C1orf141: variants seen among roughly 807,000 people sequenced by gnomAD.
C1orf141 encodes the protein chromosome 1 open reading frame 141.
A neutral mutation model predicts 23.2 loss-of-function variants in C1orf141; 19 were observed. That is an observed-to-expected ratio of 0.82 (90% confidence interval 0.57 to 1.20). The LOEUF is 1.20. C1orf141 is among the 50% of genes most tolerant of loss of function. The pLI is 0.00. For synonymous variants in C1orf141, 153 were observed against 154.6 expected, an observed-to-expected ratio of 0.99 and a Z score of 0.08; for missense variants, 469 against 455.1, an observed-to-expected ratio of 1.03 and a Z score of -0.28.
intron 4 of C1orf141, among the ~76,000 whole-genome samples, chr1:67,121,395 G>A (rs68084665): frequency 0.11 from 16,423 of 152,012 alleles, 970 homozygotes; most frequent in African/African-American, 0.15. Flanking sequence ...GACAGACAAC[G>A]ACTCAAGCCT....
chr1:67,105,313 G>A (rs1296466160), intron 5 of C1orf141, among the ~76,000 whole-genome samples: 4 of 120,116 alleles, frequency 3.3e-5, no homozygotes, highest in African/African-American at 1.3e-4. Flanking sequence ...GCAACAGAGC[G>A]AGACTATTTC....
At chr1:67,123,912 C>T (rs1346052370) in intron 4 of C1orf141, 1 of 152,120 alleles carries the variant, frequency 6.6e-6, no homozygotes, top group African/African-American at 2.4e-5. Context: ...TTATCCACCC[C>T]AATCTCCTTT....
chr1:67,102,547 C>G (rs760506377), intron 5 of C1orf141: 2 of 151,950 alleles, frequency 1.3e-5, no homozygotes, highest in Non-Finnish European at 2.9e-5. Context: ...CACAACCTAT[C>G]TTGAATAGTT....
intron 1 of C1orf141, among the ~76,000 whole-genome samples, chr1:67,141,079 A>G (rs1646632668): frequency 6.6e-6 from 1 of 152,188 alleles, no homozygotes; most frequent in Non-Finnish European, 1.5e-5. Context: ...AGAAATACGT[A>G]ATAACATAGG....
chr1:67,093,672 A>T (rs1645604581), intron 7 of C1orf141, 68 bp from the exon 8 acceptor site: 1 of 1,248,092 alleles, frequency 8.0e-7, no homozygotes, highest in Non-Finnish European at 1.1e-6. Context: ...TATATTTTAA[A>T]ACATGTAAAT....
intron 5 of C1orf141, among the ~76,000 whole-genome samples, chr1:67,112,047 G>A (rs1043221681): frequency 1.3e-5 from 2 of 152,146 alleles, no homozygotes; most frequent in Admixed American, 6.5e-5. Context: ...ATCATCCAAT[G>A]GATATTCTTA....
At position 67,093,203 on chromosome 1, in the gene C1orf141, A is replaced by G; in HGVS notation, c.1005T>C (p.Ala335=). 6.2e-7 allele frequency: 1 copy of G among 1,613,884 alleles called. No individual in the cohort carries two copies. The highest frequency in any genetic ancestry group is 8.5e-7 in the Non-Finnish European group (1 of 1,179,806). ...TTTGGGCACTCATTTCATGAATAAC[A>G]GCTTTATCAAGGTAACCCACAAATT... ...TKQFVGYLDK[A]VIHEMSAQTG... Residue 335 remains alanine (A), a synonymous_variant, in exon 8 of 8, where the codon GCT becomes GCC. Coordinates refer to ENST00000684719, the MANE Select transcript of C1orf141 (RefSeq NM_001276351.2).
intron 2 of C1orf141, among the ~76,000 whole-genome samples, chr1:67,127,902 T>C (rs1214788524): frequency 1.3e-5 from 2 of 152,188 alleles, no homozygotes; most frequent in Non-Finnish European, 2.9e-5. Context: ...CCCAAAATGC[T>C]GGGATTACAG....
intron 6 of C1orf141, chr1:67,096,035 T>C (rs1332133588): frequency 1.2e-5 from 4 of 339,694 alleles, no homozygotes; most frequent in Non-Finnish European, 2.2e-5. Flanking sequence ...AAAATTGTAT[T>C]CCCTCTATTC....
At chr1:67,128,248 A>G (rs2102499530) in intron 2 of C1orf141, among the ~76,000 whole-genome samples, 1 of 152,332 alleles carries the variant, frequency 6.6e-6, no homozygotes, top group East Asian at 1.9e-4. Context: ...AATTTATTAC[A>G]TCTTCAGATG....
chr1:67,128,847 AT>A (rs1646467746), intron 2 of C1orf141, among the ~76,000 whole-genome samples: 1 of 152,178 alleles, frequency 6.6e-6, no homozygotes, highest in Admixed American at 6.6e-5. Flanking sequence ...ATGAATATTA[AT>A]GTTAATACTA....
Position 67,093,533 on chromosome 1 carries a change from A to AT in C1orf141, c.674dup (p.Asn225LysfsTer2), listed in dbSNP as rs749403083. The AT allele has an allele frequency of 2.3e-5, 37 of 1,605,054 alleles. No homozygotes were observed. Among genetic ancestry groups the AT allele is most frequent in the Admixed American group, 5.1e-5 (3 of 59,342 alleles). On this transcript the variant is annotated frameshift_variant, in exon 8 of 8. Coordinates refer to ENST00000684719, the MANE Select transcript of C1orf141 (RefSeq NM_001276351.2). LOFTEE classifies it low-confidence loss of function (END_TRUNC). Reference sequence around the variant, plus strand: ...TTTCCAAAGGATGAGAAGAAAATCTATTTTTTGTCAAAAGTAACATTCGTA... The same window carrying AT: ...TTTCCAAAGGATGAGAAGAAAATCTATTTTTTTGTCAAAAGTAACATTCGTA...
upstream of C1orf141, among the ~76,000 whole-genome samples, chr1:67,139,644 TC>T (rs1337438174): frequency 6.6e-6 from 1 of 152,226 alleles, no homozygotes; most frequent in Non-Finnish European, 1.5e-5. Flanking sequence ...TGAATATTTG[TC>T]CCCTCCGAAA....
At chr1:67,120,896 A>T (rs921164028) in intron 4 of C1orf141, among the ~76,000 whole-genome samples, 39 of 152,200 alleles carry the variant, frequency 2.6e-4, no homozygotes, top group Non-Finnish European at 7.3e-5. Context: ...AAGCCTGGGG[A>T]TCCTTCGCAG....
chr1:67,103,359 A>G, intron 5 of C1orf141: 1 of 1,415,290 alleles, frequency 7.1e-7, no homozygotes, highest in Non-Finnish European at 9.4e-7. Flanking sequence ...AATATAGAAC[A>G]TTCAAAGGCC....
At chr1:67,097,168 G>T (rs764089139) in intron 5 of C1orf141, among the ~76,000 whole-genome samples, 1 of 151,740 alleles carries the variant, frequency 6.6e-6, no homozygotes, top group Non-Finnish European at 1.5e-5. Flanking sequence ...AGGCCAGCTG[G>T]GGCAGTATAC....
intron 5 of C1orf141, chr1:67,113,694 C>A: frequency 7.8e-7 from 1 of 1,276,106 alleles, no homozygotes; most frequent in Admixed American, 2.4e-5. Flanking sequence ...AAGTTTCATA[C>A]TAAGTACAAT....
intron 1 of C1orf141, among the ~76,000 whole-genome samples, chr1:67,133,753 G>T (rs113052738): frequency 6.6e-6 from 1 of 152,148 alleles, no homozygotes; most frequent in Non-Finnish European, 1.5e-5. Flanking sequence ...TGAAGATTCA[G>T]TGAGAAGGCA....
At position 67,092,971 on chromosome 1, in the gene C1orf141, CTT is replaced by C; in HGVS notation, c.*32_*33del. 1 of 1,495,138 alleles carries C rather than the reference CTT, an allele frequency of 6.7e-7. No homozygotes were observed. The highest frequency in any genetic ancestry group is 9.0e-7 in the Non-Finnish European group (1 of 1,105,180). 92.6% of individuals were successfully genotyped at this position (1,495,138 alleles called of 1,614,324 possible). A position where few individuals can be genotyped will look rare whatever the true frequency, so the allele number is the denominator to read the frequency against. The stretch of plus-strand genomic sequence containing the variant: ...AATTTTGGAACTTGGATATTTGCTT[CTT>C]GTTACTCAAATATTGCTGCATACAT... On this transcript the variant is annotated 3_prime_UTR_variant, in exon 8 of 8. Coordinates refer to ENST00000684719, the MANE Select transcript of C1orf141 (RefSeq NM_001276351.2).
Sources: gnomAD v4.1 joint callset for allele counts (sites outside exome capture counted in the v4.1 genomes callset) on GRCh38, gnomAD v4.1.1 for gene constraint, MANE v1.5 for transcripts, NCBI Gene and HGNC (gene_info 2026-07-23, HGNC 2026-07-21) for gene names.